The following DNAH7 variants were observed in gnomAD, a reference collection of about 807,000 sequenced individuals.
DNAH7 encodes the protein dynein axonemal heavy chain 7.
A neutral mutation model predicts 444.6 loss-of-function variants in DNAH7; 397 were observed. That is an observed-to-expected ratio of 0.89 (90% CI 0.82 to 0.97). The LOEUF is 0.97. Among genes scored for constraint, DNAH7 ranks in the 50% least tolerant of loss-of-function variants. DNAH7 has a pLI of 0.00. For missense variants in DNAH7, 4,902 were observed against 4,800.8 expected, an observed-to-expected ratio of 1.02 and a Z score of -0.62; for synonymous variants, 1,636 against 1,624.4, an observed-to-expected ratio of 1.01 and a Z score of -0.17.
intron 12 of DNAH7, among the ~76,000 whole-genome samples, chr2:195,990,856 T>C (rs1693267865): frequency 6.9e-6 from 1 of 144,860 alleles, no homozygotes. Context: ...TACTTAAATA[T>C]ATATACATAT....
At chr2:195,827,309 T>C (rs1211638562) in intron 48 of DNAH7, among the ~76,000 whole-genome samples, 1 of 152,204 alleles carries the variant, frequency 6.6e-6, no homozygotes, top group Non-Finnish European at 1.5e-5. Context: ...GGGGTCTCAC[T>C]CTGTTGCCCA....
chr2:195,988,339 G>T, intron 12 of DNAH7, 110 bp from the exon 13 acceptor site: 1 of 1,033,390 alleles, frequency 9.7e-7, no homozygotes, highest in Non-Finnish European at 1.3e-6. Flanking sequence ...TTATTCACAA[G>T]GTTGTTTTAA....
intron 21 of DNAH7, among the ~76,000 whole-genome samples, chr2:195,931,554 A>G (rs922073236): frequency 6.6e-6 from 1 of 151,636 alleles, no homozygotes; most frequent in Non-Finnish European, 1.5e-5. Flanking sequence ...TTATGGTTTT[A>G]GGTCTAACAT....
rs994311740 is a variant in DNAH7, at chr2:196,001,373, T to C, written c.1173+302A>G. ...TAAATATGCAGGTTGACATTAACTC[T>C]TTTTTTTTTGAGACAGGGTCTCGCT... On this transcript the variant is annotated intron_variant, in intron 11 of 64. Transcript: ENST00000312428. Among the ~76,000 whole-genome samples, 11 of 92,366 alleles carry C rather than the reference T, an allele frequency of 1.2e-4. No homozygotes were observed. The African/African-American group carries it at 1.5e-3, about 12-fold the overall frequency. The allele number at this position is 92,366 out of a possible 152,430, so 60.6% of individuals were successfully genotyped here.
At chr2:195,976,784 A>AGAGAGAGAGAGAGAGAGACT (rs1271382845) in intron 15 of DNAH7, among the ~76,000 whole-genome samples, 1 of 146,028 alleles carries the variant, frequency 6.8e-6, no homozygotes, top group East Asian at 2.2e-4. Flanking sequence ...AGAGAGAGAG[A>AGAGAGAGAGAGAGAGAGACT]GAGACTCTCT....
Position 195,926,443 on chromosome 2 carries a change from T to G in DNAH7, c.3595A>C (p.Ile1199Leu), listed in dbSNP as rs1272464803. Residue 1199 changes from isoleucine (I) to leucine (L), a missense_variant, in exon 22 of 65, where the codon ATT becomes CTT. By Grantham distance (5) the Ile-to-Leu change is conservative. Transcript: ENST00000312428. Reference sequence around the variant, plus strand: ...AACCTTACCTTTATCCCCATTGGAATAGCTGTTTGTACTTCTTTTGTCCAA... The same window carrying G: ...AACCTTACCTTTATCCCCATTGGAAGAGCTGTTTGTACTTCTTTTGTCCAA... ...IFWTKEVQTA[I>L]PMGIKALEQY... The G allele has an allele frequency of 3.8e-6, 6 of 1,592,452 alleles. No individual in the cohort carries two copies. The highest frequency in any genetic ancestry group is 5.1e-6 in the Non-Finnish European group (6 of 1,171,382).
At chr2:195,740,145 G>A (rs1476938035) in intron 64 of DNAH7, among the ~76,000 whole-genome samples, 5 of 151,988 alleles carry the variant, frequency 3.3e-5, no homozygotes, top group Non-Finnish European at 2.9e-5. Flanking sequence ...CAACACACCC[G>A]GCTAATTTTT....
At chr2:195,889,085 T>C in intron 31 of DNAH7, 104 bp from the exon 32 acceptor site, 1 of 1,080,092 alleles carries the variant, frequency 9.3e-7, no homozygotes, top group Non-Finnish European at 1.3e-6. Context: ...AGTACTAGGA[T>C]TAATTTCATC....
chr2:195,843,362 T>C (rs995549016), intron 47 of DNAH7, among the ~76,000 whole-genome samples: 1 of 152,194 alleles, frequency 6.6e-6, no homozygotes, highest in African/African-American at 2.4e-5. Flanking sequence ...TAATTTAGAT[T>C]ATTGGATCAG....
At chr2:195,883,460 CCA>C (rs796936778) in intron 35 of DNAH7, among the ~76,000 whole-genome samples, 3,871 of 149,718 alleles carry the variant, frequency 0.026, 172 homozygotes, top group African/African-American at 0.09. Flanking sequence ...CTCCCCCCCC[CCA>C]AAAAAAAAGA....
At chr2:195,801,231 A>G (rs1308767157) in intron 54 of DNAH7, among the ~76,000 whole-genome samples, 1 of 152,116 alleles carries the variant, frequency 6.6e-6, no homozygotes, top group East Asian at 1.9e-4. Context: ...GACTAAGACT[A>G]TTATCTAATT....
intron 40 of DNAH7, among the ~76,000 whole-genome samples, chr2:195,868,710 A>G (rs1700499496): frequency 6.6e-6 from 1 of 150,982 alleles, no homozygotes. Flanking sequence ...TTTTGATGAA[A>G]CATATTCATC....
intron 19 of DNAH7, among the ~76,000 whole-genome samples, chr2:195,944,237 C>G (rs902802036): frequency 6.6e-6 from 1 of 152,064 alleles, no homozygotes; most frequent in African/African-American, 2.4e-5. Flanking sequence ...CAAGCATATG[C>G]GGCACAAACA....
intron 42 of DNAH7, among the ~76,000 whole-genome samples, chr2:195,859,090 G>A (rs1476532703): frequency 6.6e-6 from 1 of 152,192 alleles, no homozygotes; most frequent in Non-Finnish European, 1.5e-5. Flanking sequence ...CTGGCGATGA[G>A]GCAAGGAGTC....
chr2:195,994,272 A>C (rs540585464), intron 12 of DNAH7: 1 of 398,884 alleles, frequency 2.5e-6, no homozygotes, highest in South Asian at 2.5e-5. Context: ...GTCTTCCACC[A>C]GTGGAAGCTT....
intron 51 of DNAH7, among the ~76,000 whole-genome samples, chr2:195,810,625 C>CTTT (rs372195832): frequency 2.4e-4 from 34 of 140,514 alleles, no homozygotes; most frequent in African/African-American, 8.3e-4. Context: ...ATCATCCTAG[C>CTTT]TTTTTTTTTT....
intron 55 of DNAH7, 144 bp downstream of exon 55, chr2:195,799,152 T>C (rs1382278766): frequency 6.1e-6 from 4 of 651,796 alleles, no homozygotes; most frequent in African/African-American, 1.9e-5. Context: ...TTTAGTATCA[T>C]TTTCTTGGGA....
chr2:195,843,016 G>A (rs1415304645), intron 47 of DNAH7, among the ~76,000 whole-genome samples: 2 of 152,184 alleles, frequency 1.3e-5, no homozygotes, highest in African/African-American at 4.8e-5. Flanking sequence ...CTTGAGAAGA[G>A]CCAAAGCTCT....
intron 58 of DNAH7, among the ~76,000 whole-genome samples, chr2:195,785,707 A>T (rs1695587115): frequency 6.6e-6 from 1 of 151,340 alleles, no homozygotes; most frequent in African/African-American, 2.4e-5. Context: ...CTAATTCATT[A>T]ACTGAATTTG....
Sources: allele counts gnomAD v4.1 joint callset (sites outside exome capture counted in the v4.1 genomes callset), GRCh38; gene constraint gnomAD v4.1.1; transcripts MANE v1.5; gene names NCBI Gene and HGNC (gene_info 2026-07-23, HGNC 2026-07-21).